Variants in AMZ1 observed in about 807,000 individuals in gnomAD.
The protein encoded by AMZ1 is archaelysin family metallopeptidase 1, also known as archaemetzincin-1.
A neutral mutation model predicts 29.9 loss-of-function variants in AMZ1; 39 were observed. The observed-to-expected ratio is 1.30, with a 90% confidence interval of 1.01 to 1.70. The LOEUF is 1.70. AMZ1 is among the 40% of genes most tolerant of loss of function. The probability of loss-of-function intolerance (pLI) is 0.00; values close to 1 mark genes in which losing one functional copy is unlikely to be tolerated. For synonymous variants in AMZ1, 458 were observed against 304.0 expected (o/e 1.51, Z -5.27); for missense variants, 1,041 against 680.6 (o/e 1.53, Z -5.89).
chr7:2,700,616 C>G lies in AMZ1; in HGVS notation c.165C>G (p.Phe55Leu), dbSNP rs745639103. 5 of 1,610,938 alleles carry G rather than the reference C, an allele frequency of 3.1e-6. No homozygotes were observed. Among genetic ancestry groups the G allele is most frequent in the Non-Finnish European group, 3.4e-6 (4 of 1,179,998 alleles). Reference protein sequence around the residue: ...AEAYNPQRTLFCTLLIRTGFD... With the variant: ...AEAYNPQRTLLCTLLIRTGFD... Reference sequence around the variant, plus strand: ...CCTACAACCCGCAGAGGACGCTCTTCTGCACCCTGCTCATCCGCACGGGCT... The same window carrying G: ...CCTACAACCCGCAGAGGACGCTCTTGTGCACCCTGCTCATCCGCACGGGCT... The change falls in exon 2 of 7, where the codon TTC (phenylalanine) becomes TTG (leucine). Residue 55 changes from phenylalanine to leucine, a missense_variant. Physicochemically the swap from Phe to Leu is conservative, Grantham distance 22. Coordinates refer to ENST00000683327, the MANE Select transcript of AMZ1 (RefSeq NM_001384743.1).
At chr7:2,724,608 C>A (rs144968967), downstream of AMZ1, among the ~76,000 whole-genome samples, 4 of 152,258 alleles carry the variant, frequency 2.6e-5, no homozygotes, top group South Asian at 8.3e-4. Context: ...GACGTGGGAC[C>A]CCACGGTAAC....
chr7:2,692,750 C>T (rs1787476455), intron 1 of AMZ1, among the ~76,000 whole-genome samples: 1 of 152,174 alleles, frequency 6.6e-6, no homozygotes, highest in Non-Finnish European at 1.5e-5. Context: ...ACCCCTTGGC[C>T]ACAAGCCCAG....
downstream of AMZ1, among the ~76,000 whole-genome samples, chr7:2,722,211 G>A (rs1789453275): frequency 6.6e-6 from 1 of 152,204 alleles, no homozygotes; most frequent in African/African-American, 2.4e-5. Flanking sequence ...TGAATTTCCT[G>A]GCGACGCTTG....
chr7:2,749,258 AC>A lies in AMZ1; in HGVS notation n.551-15451del, dbSNP rs553796528. Among the ~76,000 whole-genome samples the A allele has an allele frequency of 1.4e-3, 206 of 152,288 alleles. 2 individuals carry two copies. The highest frequency in any genetic ancestry group is 4.5e-3 in the African/African-American group (189 of 41,556). On this transcript the variant is annotated intron_variant and non_coding_transcript_variant, in intron 4 of 4. Coordinates refer to the AMZ1 transcript ENST00000489665. ...TCACAATAGCAAAGACTTGGAACCA[AC>A]CCAAATGTCCAACAATGATAGACTG...
chr7:2,707,734 C>G (rs916820626), intron 3 of AMZ1, among the ~76,000 whole-genome samples: 1 of 151,736 alleles, frequency 6.6e-6, no homozygotes, highest in African/African-American at 2.4e-5. Context: ...GTATCCTTGG[C>G]TAATGGTCCT....
At chr7:2,720,535 C>G (rs1270212482), downstream of AMZ1, among the ~76,000 whole-genome samples, 2 of 151,990 alleles carry the variant, frequency 1.3e-5, no homozygotes, top group South Asian at 4.1e-4. Flanking sequence ...TCCCAAGTAG[C>G]TGGGACTACA....
intron 4 of AMZ1, chr7:2,730,616 C>G (rs1789839632): frequency 6.5e-6 from 1 of 152,828 alleles, no homozygotes; most frequent in Admixed American, 6.5e-5. Context: ...GCAACGTGCT[C>G]CCTTTGGGAG....
intron 4 of AMZ1, among the ~76,000 whole-genome samples, chr7:2,758,638 T>G (rs993306520): frequency 6.6e-6 from 1 of 152,002 alleles, no homozygotes; most frequent in African/African-American, 2.4e-5. Context: ...CCTGAAAGGG[T>G]CTCGGGGGCC....
chr7:2,761,209 A>C (rs956258454), upstream of AMZ1, among the ~76,000 whole-genome samples: 7 of 152,048 alleles, frequency 4.6e-5, no homozygotes, highest in African/African-American at 1.7e-4. Flanking sequence ...AGCTCCCAGC[A>C]CAGCAGCCCC....
At chr7:2,698,528 A>C (rs1444309234) in intron 1 of AMZ1, among the ~76,000 whole-genome samples, 3 of 151,618 alleles carry the variant, frequency 2.0e-5, no homozygotes, top group African/African-American at 4.9e-5. Flanking sequence ...ACACAGCAAG[A>C]CTCCATCTAA....
chr7:2,748,630 C>T (rs1790880417), intron 4 of AMZ1, among the ~76,000 whole-genome samples: 1 of 152,134 alleles, frequency 6.6e-6, no homozygotes, highest in African/African-American at 2.4e-5. Context: ...ACACCAAAAG[C>T]AATGGCAACA....
Position 2,708,549 on chromosome 7 carries a change from G to C in AMZ1, c.473-39G>C, listed in dbSNP as rs1179708734. ...TGAGCCTGGAAGATGGGGGTCCCCGGCTGCCTCCTGACCCCATCCTCTGGC... is the reference window on the plus strand; with the variant it reads ...TGAGCCTGGAAGATGGGGGTCCCCGCCTGCCTCCTGACCCCATCCTCTGGC... On this transcript the variant is annotated intron_variant, in intron 3 of 6. Coordinates refer to ENST00000683327, the MANE Select transcript of AMZ1 (RefSeq NM_001384743.1). 3.1e-6 allele frequency: 5 copies of C among 1,607,946 alleles called. No individual in the cohort carries two copies. The African/African-American group carries it at 4.0e-5, about 13-fold the overall frequency.
chr7:2,717,082 C>T lies in AMZ1; in HGVS notation c.*4204C>T, dbSNP rs908583311. ...AGCCCCCACACACCGGCACCCACGC[C>T]CCTCGGTTCTGATAACCAGGAGGCT... On this transcript the variant is annotated 3_prime_UTR_variant, in exon 7 of 7. Coordinates refer to ENST00000683327, the MANE Select transcript of AMZ1 (RefSeq NM_001384743.1). Among the ~76,000 whole-genome samples the T allele has an allele frequency of 7.2e-5, 11 of 152,182 alleles. No individual in the cohort carries two copies. The highest frequency in any genetic ancestry group is 2.2e-4 in the African/African-American group (9 of 41,424).
At chr7:2,705,554 G>T (rs1173885077) in intron 3 of AMZ1, among the ~76,000 whole-genome samples, 1 of 152,194 alleles carries the variant, frequency 6.6e-6, no homozygotes, top group African/African-American at 2.4e-5. Context: ...CATCGTGGGT[G>T]TTGGAAGCAG....
At chr7:2,742,983 A>T (rs1459895649) in intron 4 of AMZ1, among the ~76,000 whole-genome samples, 1 of 152,260 alleles carries the variant, frequency 6.6e-6, no homozygotes. Flanking sequence ...AGCCACAGGC[A>T]TGGTGGTGTG....
chr7:2,708,511 C>A, intron 3 of AMZ1, 77 bp from the exon 4 acceptor site: 1 of 1,586,468 alleles, frequency 6.3e-7, no homozygotes, highest in Non-Finnish European at 8.5e-7. Flanking sequence ...AAGAGGATGA[C>A]GGGGTGCCAG....
At chr7:2,735,118 CT>C (rs1345093348) in intron 4 of AMZ1, among the ~76,000 whole-genome samples, 5 of 152,036 alleles carry the variant, frequency 3.3e-5, no homozygotes, top group East Asian at 1.9e-4. Flanking sequence ...CACTCACTCC[CT>C]GATTTACGAC....
intron 3 of AMZ1, among the ~76,000 whole-genome samples, chr7:2,707,008 G>C (rs7455838): frequency 0.66 from 100,430 of 152,074 alleles, 33,920 homozygotes; most frequent in East Asian, 0.83. Context: ...GCTGTGGTGG[G>C]TCATGCCTGT....
At chr7:2,706,106 C>T (rs372943900) in intron 3 of AMZ1, among the ~76,000 whole-genome samples, 196 of 152,328 alleles carry the variant, frequency 1.3e-3, no homozygotes, top group African/African-American at 4.4e-3. Flanking sequence ...GACATGCACT[C>T]GGGAAGGTTC....
Sources: gnomAD v4.1 joint callset for allele counts (sites outside exome capture counted in the v4.1 genomes callset) on GRCh38, gnomAD v4.1.1 for gene constraint, MANE v1.5 for transcripts, NCBI Gene and HGNC (gene_info 2026-07-23, HGNC 2026-07-21) for gene names.